The following FRMPD4 variants were observed in gnomAD, a reference collection of about 807,000 sequenced individuals.
The protein encoded by FRMPD4 is FERM and PDZ domain containing 4, also known as FERM and PDZ domain-containing protein 4.
A neutral mutation model predicts 94.1 loss-of-function variants in FRMPD4; 22 were observed. That is an observed-to-expected ratio of 0.23 (90% CI 0.17 to 0.33). The LOEUF (loss-of-function observed/expected upper bound fraction) is 0.33, where lower values mean the gene tolerates loss of function less well. FRMPD4 is among the 10% of genes least tolerant of loss of function. The pLI is 1.00. For missense variants in FRMPD4, 1,111 were observed against 1,339.9 expected, an observed-to-expected ratio of 0.83 and a Z score of 2.67; for synonymous variants, 631 against 548.6, an observed-to-expected ratio of 1.15 and a Z score of -2.10.
intron 1 of FRMPD4, among the ~76,000 whole-genome samples, chrX:12,299,243 T>C (rs2054820261): frequency 9.1e-6 from 1 of 109,939 alleles, no homozygotes; most frequent in African/African-American, 3.3e-5. Context: ...GCAGTAGTGA[T>C]TAACTTTCTC....
intron 2 of FRMPD4, among the ~76,000 whole-genome samples, chrX:12,566,983 A>G (rs1230710049): frequency 9.0e-6 from 1 of 111,697 alleles, no homozygotes; most frequent in Non-Finnish European, 1.9e-5. Context: ...AGAAAAGAGA[A>G]ATTAATGTTG....
intron 2 of FRMPD4, among the ~76,000 whole-genome samples, chrX:12,608,563 T>TAGTG (rs772539306): frequency 4.4e-5 from 5 of 112,411 alleles, no homozygotes; most frequent in Non-Finnish European, 9.4e-5. Flanking sequence ...GACAACAGGA[T>TAGTG]AGTGTGTCAC....
chrX:12,480,961 A>T (rs756221269), intron 1 of FRMPD4, among the ~76,000 whole-genome samples: 5 of 111,947 alleles, frequency 4.5e-5, no homozygotes, highest in Non-Finnish European at 9.4e-5. Context: ...TACCAGAAGC[A>T]TCTTGAGATC....
intron 1 of FRMPD4, among the ~76,000 whole-genome samples, chrX:12,220,596 C>T (rs968069156): frequency 2.0e-4 from 22 of 111,886 alleles, no homozygotes; most frequent in Admixed American, 1.9e-4. Context: ...CACAGACATA[C>T]GAACCCTGAT....
At chrX:11,896,135 T>C (rs1433778797) in intron 3 of FRMPD4, among the ~76,000 whole-genome samples, 2 of 112,385 alleles carry the variant, frequency 1.8e-5, no homozygotes, top group Non-Finnish European at 3.8e-5. Flanking sequence ...CTCTTTAGGC[T>C]ATCATAGTTT....
At chrX:12,380,213 AT>A (rs2056300636) in intron 1 of FRMPD4, among the ~76,000 whole-genome samples, 1 of 112,060 alleles carries the variant, frequency 8.9e-6, no homozygotes, top group Admixed American at 9.5e-5. Flanking sequence ...CCAAGGAATA[AT>A]TTTTTTGTGA....
At chrX:12,364,151 C>T (rs754141793) in intron 1 of FRMPD4, among the ~76,000 whole-genome samples, 3 of 111,305 alleles carry the variant, frequency 2.7e-5, no homozygotes, top group African/African-American at 9.8e-5. Context: ...CACACACACA[C>T]ACATACACTT....
At chrX:12,554,370 G>A (rs2058572225) in intron 2 of FRMPD4, among the ~76,000 whole-genome samples, 1 of 111,661 alleles carries the variant, frequency 9.0e-6, no homozygotes, top group Non-Finnish European at 1.9e-5. Flanking sequence ...TGGTTCATAT[G>A]CAGAGAGATT....
intron 1 of FRMPD4, among the ~76,000 whole-genome samples, chrX:12,458,450 G>T (rs2057357708): frequency 9.0e-6 from 1 of 111,715 alleles, no homozygotes; most frequent in Non-Finnish European, 1.9e-5. Context: ...TAATGGCTCA[G>T]AACGGCCATG....
chrX:12,461,946 CT>C (rs1207752347), intron 1 of FRMPD4, among the ~76,000 whole-genome samples: 3 of 111,923 alleles, frequency 2.7e-5, no homozygotes, highest in African/African-American at 9.7e-5. Context: ...ATCTCAGTGG[CT>C]TCCAGCAACA....
chrX:11,886,860 T>C (rs1369359584), intron 3 of FRMPD4, among the ~76,000 whole-genome samples: 1 of 111,151 alleles, frequency 9.0e-6, no homozygotes, highest in African/African-American at 3.3e-5. Flanking sequence ...ATTGTTCCCT[T>C]TCTCTGGAAT....
intron 3 of FRMPD4, among the ~76,000 whole-genome samples, chrX:11,947,384 C>T (rs926894631): frequency 8.9e-6 from 1 of 112,184 alleles, no homozygotes; most frequent in Admixed American, 9.4e-5. Flanking sequence ...CTCTGAGCAA[C>T]ATCATCTGGA....
intron 1 of FRMPD4, among the ~76,000 whole-genome samples, chrX:12,205,220 G>A (rs2056678804): frequency 9.0e-6 from 1 of 110,788 alleles, no homozygotes; most frequent in African/African-American, 3.3e-5. Context: ...GATAGATGAG[G>A]ATTTATCCAA....
chrX:12,580,990 T>A (rs927707854), intron 2 of FRMPD4, among the ~76,000 whole-genome samples: 35 of 112,360 alleles, frequency 3.1e-4, no homozygotes, highest in African/African-American at 1.0e-3. Flanking sequence ...TGACCACAGA[T>A]AACTGAAACT....
At chrX:12,142,897 C>T (rs1194213770) in intron 1 of FRMPD4, among the ~76,000 whole-genome samples, 1 of 111,930 alleles carries the variant, frequency 8.9e-6, no homozygotes, top group Non-Finnish European at 1.9e-5. Context: ...AATGCATGAC[C>T]TGGAAAGTCT....
chrX:12,591,571 G>A (rs977649669), intron 2 of FRMPD4, among the ~76,000 whole-genome samples: 4 of 112,176 alleles, frequency 3.6e-5, no homozygotes, highest in Non-Finnish European at 7.5e-5. Flanking sequence ...CATCAGCCAT[G>A]TTCATTATTT....
intron 5 of FRMPD4, among the ~76,000 whole-genome samples, chrX:12,677,939 GA>G (rs917752944): frequency 3.6e-5 from 4 of 111,563 alleles, no homozygotes; most frequent in Non-Finnish European, 7.5e-5. Flanking sequence ...TTTTTCTTGG[GA>G]AAAAAAATAC....
intron 3 of FRMPD4, among the ~76,000 whole-genome samples, chrX:12,104,626 G>A (rs1204120619): frequency 1.8e-5 from 2 of 111,862 alleles, no homozygotes; most frequent in Non-Finnish European, 3.8e-5. Flanking sequence ...GTTAATGTGG[G>A]GGCACACACA....
chrX:12,716,001 T>TGGCCCCCCCCCCCCC, intron 14 of FRMPD4, 68 bp from the exon 15 acceptor site: 1 of 231,656 alleles, frequency 4.3e-6, no homozygotes, highest in Admixed American at 5.0e-5. Context: ...GAGACGAGCC[T>TGGCCCCCCCCCCCCC]CCCACCCCCG....
Sources: gnomAD v4.1 joint callset for allele counts (sites outside exome capture counted in the v4.1 genomes callset) on GRCh38, gnomAD v4.1.1 for gene constraint, MANE v1.5 for transcripts, NCBI Gene and HGNC (gene_info 2026-07-23, HGNC 2026-07-21) for gene names.